Variants in METTL15 observed in about 807,000 individuals in gnomAD.
METTL15 encodes the protein methyltransferase 15, mitochondrial 12S rRNA N4-cytidine, also known as 12S rRNA N(4)-cytidine methyltransferase METTL15.
In METTL15, 34 loss-of-function variants were observed where a neutral mutation model predicts 38.3. The ratio of observed to expected loss-of-function variants is 0.89; its 90% CI spans 0.68 to 1.18. The LOEUF is 1.18. METTL15 is among the 50% of genes most tolerant of loss of function. The probability of loss-of-function intolerance (pLI) is 0.00; values close to 1 mark genes in which losing one functional copy is unlikely to be tolerated. For missense variants in METTL15, 438 were observed against 498.4 expected (o/e 0.88, Z 1.15); for synonymous variants, 162 against 170.9 (o/e 0.95, Z 0.41).
At chr11:28,415,296 C>G (rs911684494) in intron 5 of METTL15, among the ~76,000 whole-genome samples, 1 of 152,056 alleles carries the variant, frequency 6.6e-6, no homozygotes, top group Admixed American at 6.6e-5. Context: ...ATAGTTAGGA[C>G]AGTAGATTTG....
intron 3 of METTL15, among the ~76,000 whole-genome samples, chr11:28,114,022 C>T (rs1851836859): frequency 6.6e-6 from 1 of 152,050 alleles, no homozygotes; most frequent in Admixed American, 6.6e-5. Context: ...AGGACATAAC[C>T]CCCTTGTAAG....
At chr11:28,297,143 A>AAACCTCTCCCCCAAAT (rs1856770661) in intron 6 of METTL15, among the ~76,000 whole-genome samples, 1 of 151,876 alleles carries the variant, frequency 6.6e-6, no homozygotes, top group Admixed American at 6.6e-5. Flanking sequence ...CTCCCCCAAA[A>AAACCTCTCCCCCAAAT]AACCTCTCCC....
At chr11:28,496,556 TG>T (rs1321252788) in intron 6 of METTL15, among the ~76,000 whole-genome samples, 1 of 152,214 alleles carries the variant, frequency 6.6e-6, no homozygotes, top group Admixed American at 6.5e-5. Flanking sequence ...CTGCTGCCAT[TG>T]GGGTCACCAG....
downstream of METTL15, among the ~76,000 whole-genome samples, chr11:28,527,304 A>G (rs150636124): frequency 4.9e-3 from 752 of 152,344 alleles, 7 homozygotes; most frequent in African/African-American, 0.017. Context: ...AGAAAGTAGC[A>G]TAGAGTTGAA....
chr11:28,248,483 C>T (rs1854605124), intron 4 of METTL15, among the ~76,000 whole-genome samples: 1 of 152,052 alleles, frequency 6.6e-6, no homozygotes, highest in Admixed American at 6.6e-5. Flanking sequence ...GTGGATAACT[C>T]TGCCCTCTGT....
intron 3 of METTL15, among the ~76,000 whole-genome samples, chr11:28,175,559 T>G (rs1851041457): frequency 6.6e-6 from 1 of 152,110 alleles, no homozygotes; most frequent in Admixed American, 6.6e-5. Context: ...TTTACATGAA[T>G]TCTTACAGGC....
chr11:28,313,642 G>A (rs1010061911), intron 6 of METTL15, among the ~76,000 whole-genome samples: 1 of 151,332 alleles, frequency 6.6e-6, no homozygotes, highest in African/African-American at 2.4e-5. Context: ...TCTCACATTT[G>A]TTGTGTTGGA....
chr11:28,131,910 G>A (rs188590580), intron 3 of METTL15, among the ~76,000 whole-genome samples: 1 of 152,192 alleles, frequency 6.6e-6, no homozygotes, highest in East Asian at 1.9e-4. Context: ...TCTAAATTTG[G>A]TGACCTTTGT....
chr11:28,454,687 G>A (rs557576209), intron 6 of METTL15, among the ~76,000 whole-genome samples: 31 of 152,184 alleles, frequency 2.0e-4, no homozygotes, highest in Middle Eastern at 3.4e-3. Flanking sequence ...TGGTAAATGC[G>A]CTTATATCAA....
intron 4 of METTL15, among the ~76,000 whole-genome samples, chr11:28,235,859 G>A (rs1418785096): frequency 6.6e-6 from 1 of 152,188 alleles, no homozygotes; most frequent in Non-Finnish European, 1.5e-5. Context: ...TAGGAGTGGT[G>A]AGAGAGGGCA....
chr11:28,128,229 AAATT>A (rs1249445314), intron 3 of METTL15, among the ~76,000 whole-genome samples: 5 of 152,114 alleles, frequency 3.3e-5, no homozygotes, highest in Non-Finnish European at 7.4e-5. Context: ...GGTAAAAAAT[AAATT>A]AAGGATAGAA....
rs184687339 is a variant in METTL15, at chr11:28,238,629, G to A, written c.407+27431G>A. ...CTGCACCCACTGTCCTGCGCCCACT[G>A]TCTGGCACTCCCTAGTGAGATGAAC... On this transcript the variant is annotated intron_variant, in intron 4 of 6. Coordinates refer to ENST00000407364, the MANE Select transcript of METTL15 (RefSeq NM_001113528.2). Among the ~76,000 whole-genome samples the A allele has an allele frequency of 9.1e-4, 139 of 152,316 alleles. 1 individual carries two copies. Among genetic ancestry groups the A allele is most frequent in the African/African-American group, 3.3e-3 (138 of 41,570 alleles).
intron 5 of METTL15, among the ~76,000 whole-genome samples, chr11:28,387,356 G>A (rs1850451239): frequency 1.3e-5 from 2 of 151,470 alleles, no homozygotes; most frequent in African/African-American, 4.8e-5. Context: ...TGAAAAAGGA[G>A]ATATTACAAC....
intron 5 of METTL15, among the ~76,000 whole-genome samples, chr11:28,383,376 T>C (rs544119937): frequency 1.3e-5 from 2 of 152,322 alleles, no homozygotes; most frequent in South Asian, 2.1e-4. Flanking sequence ...TTGATGGGCA[T>C]TGAGTTTGAT....
intron 5 of METTL15, among the ~76,000 whole-genome samples, chr11:28,382,613 C>T (rs1850400415): frequency 6.6e-6 from 1 of 152,082 alleles, no homozygotes; most frequent in Non-Finnish European, 1.5e-5. Flanking sequence ...CCAGGCAGAT[C>T]ACCTGAGGTT....
At chr11:28,392,826 T>C (rs1242930570) in intron 5 of METTL15, among the ~76,000 whole-genome samples, 1 of 151,782 alleles carries the variant, frequency 6.6e-6, no homozygotes, top group East Asian at 1.9e-4. Flanking sequence ...AAATAACCAA[T>C]TAAAAACTGG....
chr11:28,155,132 T>C (rs1047575551), intron 3 of METTL15, among the ~76,000 whole-genome samples: 1 of 152,166 alleles, frequency 6.6e-6, no homozygotes, highest in Non-Finnish European at 1.5e-5. Context: ...TATGGGAAAC[T>C]GGTCCCAGCT....
intron 6 of METTL15, 73 bp from the exon 7 acceptor site, chr11:28,330,323 A>T (rs1447782015): frequency 7.5e-7 from 1 of 1,328,710 alleles, no homozygotes; most frequent in South Asian, 1.5e-5. Flanking sequence ...CAACTACACA[A>T]TTCATTAGAT....
intron 5 of METTL15, among the ~76,000 whole-genome samples, chr11:28,379,561 A>G (rs543704679): frequency 5.5e-4 from 83 of 152,196 alleles, no homozygotes; most frequent in African/African-American, 1.5e-3. Flanking sequence ...TTCCATTGTT[A>G]TCAGAAAAGA....
Sources: gnomAD v4.1 joint callset for allele counts (sites outside exome capture counted in the v4.1 genomes callset) on GRCh38, gnomAD v4.1.1 for gene constraint, MANE v1.5 for transcripts, NCBI Gene and HGNC (gene_info 2026-07-23, HGNC 2026-07-21) for gene names.